KIF26B: variants seen among roughly 807,000 people sequenced by gnomAD.
KIF26B encodes kinesin family member 26B.
Under a neutral mutation model 151.2 loss-of-function variants are expected in KIF26B, and 63 were observed. That is an observed-to-expected ratio of 0.42 (90% CI 0.34 to 0.51). The LOEUF (loss-of-function observed/expected upper bound fraction) is 0.51. KIF26B is among the 20% of genes least tolerant of loss of function. The probability of loss-of-function intolerance (pLI) is 0.07; values close to 1 mark genes in which losing one functional copy is unlikely to be tolerated. For missense variants in KIF26B, 2,813 were observed against 2,913.6 expected (o/e 0.97, Z 0.79); for synonymous variants, 1,357 against 1,262.1 (o/e 1.08, Z -1.59).
intron 3 of KIF26B, among the ~76,000 whole-genome samples, chr1:245,376,458 G>A (rs1341962036): frequency 1.3e-5 from 2 of 152,082 alleles, no homozygotes; most frequent in Non-Finnish European, 2.9e-5. Flanking sequence ...CCACACCCCA[G>A]GCGAATTAAA....
chr1:245,360,054 G>A (rs1372818697), intron 2 of KIF26B, among the ~76,000 whole-genome samples: 3 of 151,428 alleles, frequency 2.0e-5, no homozygotes, highest in East Asian at 1.9e-4. Flanking sequence ...TTTATTTTTA[G>A]GAGAGATGGG....
chr1:245,687,586 A>G lies in KIF26B; in HGVS notation c.4603A>G (p.Ser1535Gly), dbSNP rs746644105. Residue 1535 changes from serine (S) to glycine (G), a missense_variant, in exon 12 of 15, where the codon AGC (serine) becomes GGC (glycine). Transcript: ENST00000407071. The surrounding 1 kb of genome is among the most constrained non-coding windows in gnomAD (Gnocchi z 4.9). ...GCATCCCAACAAAAGCGTCAAGTCC[A>G]GCAGCCTTCCCAGGGCCTTTCAGAA... The part of the protein sequence containing the change: ...PVHPNKSVKS[S>G]SLPRAFQKAS... 5.1e-6 allele frequency: 8 copies of G among 1,564,442 alleles called. No homozygotes were observed. In the South Asian group the frequency reaches 9.4e-5, roughly 18 times the overall value.
chr1:245,172,716 A>G (rs1318831323), intron 2 of KIF26B, among the ~76,000 whole-genome samples: 1 of 152,218 alleles, frequency 6.6e-6, no homozygotes, highest in Non-Finnish European at 1.5e-5. Context: ...AGGCTGAGGC[A>G]GGAGAATTGC....
chr1:245,682,046 T>C (rs1303840845), intron 10 of KIF26B, among the ~76,000 whole-genome samples: 2 of 152,080 alleles, frequency 1.3e-5, no homozygotes, highest in Admixed American at 6.6e-5. Flanking sequence ...AGTTTGAGAC[T>C]AGACTGGCCA....
intron 5 of KIF26B, among the ~76,000 whole-genome samples, chr1:245,599,345 A>G (rs558540965): frequency 3.5e-4 from 54 of 152,306 alleles, no homozygotes; most frequent in African/African-American, 1.3e-3. Flanking sequence ...CCCAGCTCGG[A>G]GCTCAGTGGG....
chr1:245,253,153 G>T (rs976788496), intron 2 of KIF26B, among the ~76,000 whole-genome samples: 4 of 151,720 alleles, frequency 2.6e-5, no homozygotes, highest in African/African-American at 9.7e-5. Context: ...GGGACTACAG[G>T]CGCCCACCAC....
Position 245,390,943 on chromosome 1 carries a change from A to AAAAAAAAAAAAAAAACAAAACAAAAC in KIF26B, c.999+23585_999+23586insAAAAAACAAAACAAAACAAAAAAAAA, listed in dbSNP as rs1553270131. Among the ~76,000 whole-genome samples the AAAAAAAAAAAAAAAACAAAACAAAAC allele has an allele frequency of 1.9e-4, 23 of 118,448 alleles. 1 individual carries two copies. Among genetic ancestry groups the AAAAAAAAAAAAAAAACAAAACAAAAC allele is most frequent in the East Asian group, 5.7e-4 (2 of 3,494 alleles). The allele number at this position is 118,448 out of a possible 152,430, so 77.7% of individuals were successfully genotyped here. On this transcript the variant is annotated intron_variant, in intron 3 of 14. Transcript: ENST00000407071. ...TCTCAAAAAAAAAAAAAAAAAAAAAAAAAAAAAAACCACCATAAAATTTTG... is the reference window on the plus strand; with the variant it reads ...TCTCAAAAAAAAAAAAAAAAAAAAAAAAAAAAAAAAAAAAACAAAACAAAACAAAAAAAAACCACCATAAAATTTTG...
intron 4 of KIF26B, among the ~76,000 whole-genome samples, chr1:245,507,394 G>T (rs1385594608): frequency 6.6e-6 from 1 of 152,204 alleles, no homozygotes; most frequent in Non-Finnish European, 1.5e-5. Flanking sequence ...GCCTTGGCCA[G>T]CCCCACAGGG....
At chr1:245,180,091 T>TGG (rs1339171478) in intron 2 of KIF26B, among the ~76,000 whole-genome samples, 1 of 152,260 alleles carries the variant, frequency 6.6e-6, no homozygotes, top group East Asian at 1.9e-4. Flanking sequence ...AGATCTCAGC[T>TGG]GGAGACAGGC....
intron 2 of KIF26B, among the ~76,000 whole-genome samples, chr1:245,340,684 G>A (rs1194957780): frequency 6.6e-6 from 1 of 152,122 alleles, no homozygotes; most frequent in African/African-American, 2.4e-5. Context: ...CTTTCATCGG[G>A]TTTATATTCC....
chr1:245,493,119 C>T (rs916336841), intron 4 of KIF26B, among the ~76,000 whole-genome samples: 4 of 152,114 alleles, frequency 2.6e-5, no homozygotes, highest in Non-Finnish European at 4.4e-5. Flanking sequence ...TACTTACAAA[C>T]GTGTAGCAAG....
Position 245,686,098 on chromosome 1 carries a change from C to T in KIF26B, c.3115C>T (p.Gln1039Ter). ...CCAGCACAGCGCCTCCCCACTCGTG[C>T]AGAGCCCCAGCCTCCAGAGCAGCCG... ...SSQHSASPLV[Q>*]SPSLQSSRES... The change falls in exon 12 of 15, where the codon CAG becomes TAG. Residue 1039 changes from glutamine to a stop codon, truncating the protein, a stop_gained. Coordinates refer to ENST00000407071, the MANE Select transcript of KIF26B (RefSeq NM_018012.4). LOFTEE classifies it high-confidence loss of function. The surrounding 1 kb of genome is among the most constrained non-coding windows in gnomAD (Gnocchi z 5.6). 2 of 1,606,812 alleles carry T rather than the reference C, an allele frequency of 1.2e-6. No homozygotes were observed. The highest frequency in any genetic ancestry group is 1.7e-6 in the Non-Finnish European group (2 of 1,177,238).
At position 245,560,982 on chromosome 1, in the gene KIF26B, C is replaced by T. The variant is rs1182355825; in HGVS notation, c.1350+20032C>T. Among the ~76,000 whole-genome samples, 1 of 152,184 alleles carries T rather than the reference C, an allele frequency of 6.6e-6. No individual in the cohort carries two copies. The highest frequency in any genetic ancestry group is 1.5e-5 in the Non-Finnish European group (1 of 68,038). ...CATGGGACACCTGACTGATAGCAGC[C>T]TGTGCAGATGTGAGGAACAGAAGGT... On this transcript the variant is annotated intron_variant, in intron 5 of 14. Coordinates refer to ENST00000407071, the MANE Select transcript of KIF26B (RefSeq NM_018012.4). The surrounding 1 kb of genome is among the most constrained non-coding windows in gnomAD (Gnocchi z 4.3).
intron 9 of KIF26B, among the ~76,000 whole-genome samples, chr1:245,636,860 T>TTGTGTGTGTGTGTG (rs34722448): frequency 4.0e-4 from 60 of 149,296 alleles, no homozygotes; most frequent in African/African-American, 1.3e-3. Context: ...TAATATTCCA[T>TTGTGTGTGTGTGTG]TGTGTGTGTG....
chr1:245,255,635 C>A (rs1037426567), intron 2 of KIF26B, among the ~76,000 whole-genome samples: 2 of 152,172 alleles, frequency 1.3e-5, no homozygotes, highest in African/African-American at 4.8e-5. Flanking sequence ...AAAGGCAGAT[C>A]CAGAAGGCAG....
intron 2 of KIF26B, among the ~76,000 whole-genome samples, chr1:245,309,412 T>A (rs34597315): frequency 6.6e-6 from 1 of 151,872 alleles, no homozygotes. Context: ...GACTGCTCGA[T>A]CTGGGACATG....
chr1:245,645,784 G>A (rs893317843), intron 9 of KIF26B, among the ~76,000 whole-genome samples: 1 of 152,124 alleles, frequency 6.6e-6, no homozygotes, highest in Non-Finnish European at 1.5e-5. Flanking sequence ...TATTCAAATG[G>A]CATTTAGGTA....
intron 3 of KIF26B, among the ~76,000 whole-genome samples, chr1:245,379,426 T>C (rs1042409985): frequency 6.6e-6 from 1 of 151,974 alleles, no homozygotes; most frequent in African/African-American, 2.4e-5. Context: ...TCAAACGTTA[T>C]TATTTTGGAA....
intron 5 of KIF26B, among the ~76,000 whole-genome samples, chr1:245,578,682 G>A (rs1015058741): frequency 3.3e-5 from 5 of 152,166 alleles, no homozygotes; most frequent in Non-Finnish European, 7.3e-5. Flanking sequence ...CTTGTATAAA[G>A]GTAAAAGAAT....
Sources: allele counts gnomAD v4.1 joint callset (sites outside exome capture counted in the v4.1 genomes callset), GRCh38; gene constraint gnomAD v4.1.1; non-coding constraint Gnocchi (gnomAD v3.1); transcripts MANE v1.5; gene names NCBI Gene and HGNC (gene_info 2026-07-23, HGNC 2026-07-21).